The following TRPM3 variants were observed in gnomAD, a reference collection of about 807,000 sequenced individuals.
The protein encoded by TRPM3 is transient receptor potential cation channel subfamily M member 3.
A neutral mutation model predicts 181.2 loss-of-function variants in TRPM3; 77 were observed. The ratio of observed to expected loss-of-function variants is 0.42; its 90% CI spans 0.35 to 0.51. The LOEUF (loss-of-function observed/expected upper bound fraction) is 0.51, where lower values mean the gene tolerates loss of function less well. TRPM3 is among the 20% of genes least tolerant of loss of function. The pLI is 0.01. For missense variants in TRPM3, 1,759 were observed against 2,196.7 expected (o/e 0.80, Z 3.98); for synonymous variants, 745 against 796.4 (o/e 0.94, Z 1.09).
rs568903076 is a variant in TRPM3 at position 71,006,857 on chromosome 9, C to T, written c.177+114321G>A. 3.6e-5 allele frequency among the ~76,000 whole-genome samples: 4 copies of T among 112,162 alleles called. No individual in the cohort carries two copies. The South Asian group carries it at 1.2e-3, about 34-fold the overall frequency. The allele number at this position is 112,162 out of a possible 152,430, so 73.6% of individuals were successfully genotyped here. A position where few individuals can be genotyped will look rare whatever the true frequency, so the allele number is the denominator to read the frequency against. On this transcript the variant is annotated intron_variant, in intron 1 of 25. Coordinates refer to ENST00000677713, the MANE Select transcript of TRPM3 (RefSeq NM_001366145.2). ...CTGCACTCCAGCCTGGGCGACAGAGCGAGACTCCGTCTCAAAAAAAAAAAA... is the reference window on the plus strand; with the variant it reads ...CTGCACTCCAGCCTGGGCGACAGAGTGAGACTCCGTCTCAAAAAAAAAAAA...
intron 1 of TRPM3, among the ~76,000 whole-genome samples, chr9:71,137,113 C>G (rs1319084896): frequency 3.3e-5 from 5 of 152,024 alleles, no homozygotes; most frequent in African/African-American, 1.2e-4. Context: ...TAAGTTTTTC[C>G]TCAACCTCTA....
chr9:71,397,924 G>C (rs572215168), intron 1 of TRPM3, among the ~76,000 whole-genome samples: 1 of 152,252 alleles, frequency 6.6e-6, no homozygotes, highest in South Asian at 2.1e-4. Context: ...TTTTTCCCAA[G>C]CCAAACTCTT....
At chr9:71,011,528 G>C (rs1380430728) in intron 1 of TRPM3, among the ~76,000 whole-genome samples, 1 of 151,796 alleles carries the variant, frequency 6.6e-6, no homozygotes, top group East Asian at 1.9e-4. Flanking sequence ...TCAAACTTTT[G>C]TTATTTCATT....
chr9:70,858,342 G>C lies in TRPM3; in HGVS notation c.462+4566C>G, dbSNP rs531289842. Among the ~76,000 whole-genome samples, 8 of 152,202 alleles carry C rather than the reference G, an allele frequency of 5.3e-5. No homozygotes were observed. The South Asian group carries it at 1.7e-3, about 32-fold the overall frequency. On this transcript the variant is annotated intron_variant, in intron 3 of 25. Coordinates refer to ENST00000677713, the MANE Select transcript of TRPM3 (RefSeq NM_001366145.2). ...AGATTGGCACTCTTTAACAGATGGTGGTTGCTGATTTTCCCTTTCTACAAA... is the reference window on the plus strand; with the variant it reads ...AGATTGGCACTCTTTAACAGATGGTCGTTGCTGATTTTCCCTTTCTACAAA...
Position 71,392,471 on chromosome 9 carries a change from A to G in TRPM3, c.183+54182T>C, listed in dbSNP as rs12004549. ...GAATTGGATAACTTGAAGTTCCCCAAATTTTGTTGGGGTATTTTTTGCCTT... is the reference window on the plus strand; with the variant it reads ...GAATTGGATAACTTGAAGTTCCCCAGATTTTGTTGGGGTATTTTTTGCCTT... On this transcript the variant is annotated intron_variant, in intron 1 of 24. Coordinates refer to the TRPM3 transcript ENST00000357533. Among the ~76,000 whole-genome samples, 559 of 152,120 alleles carry G rather than the reference A, an allele frequency of 3.7e-3. 6 individuals are homozygous for G. Among genetic ancestry groups the G allele is most frequent in the African/African-American group, 0.013 (526 of 41,516 alleles).
intron 1 of TRPM3, among the ~76,000 whole-genome samples, chr9:71,431,356 A>C (rs926099808): frequency 2.6e-5 from 4 of 152,206 alleles, no homozygotes; most frequent in African/African-American, 9.6e-5. Flanking sequence ...AGATACTGGA[A>C]ATAAAGTCTT....
intron 5 of TRPM3, chr9:70,842,798 T>C (rs1366329660): frequency 1.3e-5 from 7 of 524,902 alleles, no homozygotes; most frequent in Admixed American, 3.5e-5. Context: ...GGACCTTTCT[T>C]GATCATAAGA....
In TRPM3 at chr9:70,553,186, C is replaced by G. The variant is rs757151420; in HGVS notation, c.3348G>C (p.Leu1116=). The part of the protein sequence containing the change: ...ACYLLVANIL[L]VNLLIAVFNN... ...TAAAGACAGCAATGAGGAGGTTGAC[C>G]AGCAAGATGTTTGCCACTAAGAGGT... Residue 1116 remains leucine (L), a synonymous_variant, in exon 23 of 26, where the codon CTG becomes CTC. Coordinates refer to ENST00000677713, the MANE Select transcript of TRPM3 (RefSeq NM_001366145.2). 2.5e-6 allele frequency: 4 copies of G among 1,614,084 alleles called. No individual in the cohort carries two copies. The highest frequency in any genetic ancestry group is 3.4e-6 in the Non-Finnish European group (4 of 1,180,024).
intron 22 of TRPM3, among the ~76,000 whole-genome samples, chr9:70,586,045 C>A (rs2057072837): frequency 6.6e-6 from 1 of 152,200 alleles, no homozygotes; most frequent in South Asian, 2.1e-4. Context: ...ACACCTCCTG[C>A]TCTCATCTTC....
intron 5 of TRPM3, among the ~76,000 whole-genome samples, chr9:70,828,865 A>C (rs889584778): frequency 1.3e-5 from 2 of 152,150 alleles, no homozygotes; most frequent in Non-Finnish European, 2.9e-5. Flanking sequence ...GTTTTCTGAG[A>C]GTCTACCACA....
chr9:71,270,835 T>G (rs2083733327), intron 1 of TRPM3, among the ~76,000 whole-genome samples: 1 of 152,308 alleles, frequency 6.6e-6, no homozygotes, highest in Admixed American at 6.5e-5. Context: ...AGATCATTTG[T>G]TTTGGGGAAA....
At chr9:71,190,978 C>G (rs2077986210) in intron 1 of TRPM3, among the ~76,000 whole-genome samples, 1 of 151,872 alleles carries the variant, frequency 6.6e-6, no homozygotes, top group South Asian at 2.1e-4. Context: ...TATTCATTTT[C>G]TGAGCATTTA....
intron 22 of TRPM3, among the ~76,000 whole-genome samples, chr9:70,558,114 T>C (rs1703375460): frequency 6.6e-6 from 1 of 152,192 alleles, no homozygotes; most frequent in African/African-American, 2.4e-5. Context: ...CTTGGAACTT[T>C]TGTTGAAACT....
intron 1 of TRPM3, among the ~76,000 whole-genome samples, chr9:70,876,533 C>T (rs2095872264): frequency 6.6e-6 from 1 of 151,538 alleles, no homozygotes; most frequent in Non-Finnish European, 1.5e-5. Context: ...TTCTGATAGA[C>T]ATTATAAAAA....
chr9:70,679,622 A>G (rs372085951), intron 9 of TRPM3, among the ~76,000 whole-genome samples: 1 of 152,148 alleles, frequency 6.6e-6, no homozygotes, highest in South Asian at 2.1e-4. Flanking sequence ...TCTACCATTT[A>G]ATGGTCAACT....
intron 1 of TRPM3, among the ~76,000 whole-genome samples, chr9:70,921,946 C>CACACACAA (rs1224263897): frequency 3.9e-4 from 57 of 146,786 alleles, no homozygotes; most frequent in African/African-American, 1.4e-3. Context: ...CAAACAAACA[C>CACACACAA]ACACACACAC....
intron 1 of TRPM3, among the ~76,000 whole-genome samples, chr9:71,142,233 A>T (rs1295239792): frequency 6.6e-6 from 1 of 152,196 alleles, no homozygotes; most frequent in African/African-American, 2.4e-5. Context: ...TGAGCTGGTC[A>T]GTCTCTTGGC....
Position 71,429,459 on chromosome 9 carries a change from T to C in TRPM3, c.183+17194A>G, listed in dbSNP as rs149079327. On this transcript the variant is annotated intron_variant, in intron 1 of 24. Transcript: ENST00000357533. The stretch of plus-strand genomic sequence containing the variant: ...CATAAGAAATAAATGATTCAATATA[T>C]GTAGATCTCACAGAACAGTTTCTGG... Among the ~76,000 whole-genome samples the C allele has an allele frequency of 3.4e-3, 511 of 152,300 alleles. 2 individuals carry two copies. The highest frequency in any genetic ancestry group is 0.015 in the South Asian group (74 of 4,828).
intron 22 of TRPM3, among the ~76,000 whole-genome samples, chr9:70,557,002 T>C (rs186627204): frequency 3.7e-4 from 56 of 152,354 alleles, no homozygotes; most frequent in Admixed American, 3.4e-3. Flanking sequence ...TATGTTTTAT[T>C]CCCCTTTGTT....
Sources: gnomAD v4.1 joint callset for allele counts (sites outside exome capture counted in the v4.1 genomes callset) on GRCh38, gnomAD v4.1.1 for gene constraint, MANE v1.5 for transcripts, NCBI Gene and HGNC (gene_info 2026-07-23, HGNC 2026-07-21) for gene names.